The following PCDHGA2 variants were observed in gnomAD, a reference collection of about 807,000 sequenced individuals.
The protein encoded by PCDHGA2 is protocadherin gamma subfamily A, 2.
In PCDHGA2, 40 loss-of-function variants were observed where a neutral mutation model predicts 59.2. The observed-to-expected ratio is 0.68, with a 90% confidence interval of 0.52 to 0.88. The LOEUF (loss-of-function observed/expected upper bound fraction) is 0.88, where lower values mean the gene tolerates loss of function less well. PCDHGA2 is among the 40% of genes least tolerant of loss of function. PCDHGA2 has a pLI of 0.00. For missense variants in PCDHGA2, 1,226 were observed against 1,204.0 expected (o/e 1.02, Z -0.27); for synonymous variants, 560 against 526.0 (o/e 1.06, Z -0.89).
intron 1 of PCDHGA2, chr5:141,355,210 C>T (rs766513071): frequency 1.9e-6 from 3 of 1,599,774 alleles, no homozygotes; most frequent in Non-Finnish European, 2.6e-6. Flanking sequence ...AATGGCGGCG[C>T]CTCCTGCTCG....
At chr5:141,370,338 G>T in intron 1 of PCDHGA2, 1 of 1,456,378 alleles carries the variant, frequency 6.9e-7, no homozygotes, top group Non-Finnish European at 9.2e-7. Context: ...GAACTCTTGG[G>T]ATTATTTAAA....
chr5:141,375,300 C>A lies in PCDHGA2; in HGVS notation c.2424+33905C>A, dbSNP rs374837091. On this transcript the variant is annotated intron_variant, in intron 1 of 3. Transcript: ENST00000394576. ...GTTGGCAATTATTATCGATTAGTGA[C>A]AAATGCAGCTCTAGACCGGGAAGAG... 1.3e-5 allele frequency: 21 copies of A among 1,613,664 alleles called. No homozygotes were observed. In the African/African-American group the frequency reaches 2.1e-4, roughly 16 times the overall value.
intron 1 of PCDHGA2, chr5:141,393,124 T>A: frequency 6.2e-7 from 1 of 1,613,430 alleles, no homozygotes; most frequent in Non-Finnish European, 8.5e-7. Flanking sequence ...CGGTGTCTGA[T>A]AAATATTAAC....
chr5:141,491,571 C>CT lies in PCDHGA2; in HGVS notation c.2425-3232dup. On this transcript the variant is annotated intron_variant, in intron 1 of 3. Coordinates refer to ENST00000394576, the MANE Select transcript of PCDHGA2 (RefSeq NM_018915.4). The surrounding 1 kb of genome is among the most constrained non-coding windows in gnomAD (Gnocchi z 6.9). ...CGCAGAGCCACTGCTACAGGACGTG[C>CT]TTTTCACCGGCCTCGGACGGCAGTG... 6.2e-7 allele frequency: 1 copy of CT among 1,614,026 alleles called. No homozygotes were observed. Among genetic ancestry groups the CT allele is most frequent in the Non-Finnish European group, 8.5e-7 (1 of 1,180,042 alleles).
intron 1 of PCDHGA2, among the ~76,000 whole-genome samples, chr5:141,443,323 A>AG (rs1262238603): frequency 1.3e-5 from 2 of 151,732 alleles, no homozygotes; most frequent in African/African-American, 4.9e-5. Context: ...TCTACAAAAA[A>AG]AAAAAACAAA....
In PCDHGA2 at chr5:141,414,479, C is replaced by G. The variant is rs752879517; in HGVS notation, c.2424+73084C>G. The G allele has an allele frequency of 3.1e-6, 5 of 1,613,906 alleles. No homozygotes were observed. The highest frequency in any genetic ancestry group is 1.3e-5 in the African/African-American group (1 of 75,040). Reference sequence around the variant, plus strand: ...ACAGCCACAGATGGGGGAAGTCCTCCTCTATCAACGGAAGCTCACTTTATG... The same window carrying G: ...ACAGCCACAGATGGGGGAAGTCCTCGTCTATCAACGGAAGCTCACTTTATG... On this transcript the variant is annotated intron_variant, in intron 1 of 3. Coordinates refer to ENST00000394576, the MANE Select transcript of PCDHGA2 (RefSeq NM_018915.4).
chr5:141,460,741 A>C (rs1378900827), intron 1 of PCDHGA2, among the ~76,000 whole-genome samples: 1 of 152,128 alleles, frequency 6.6e-6, no homozygotes, highest in African/African-American at 2.4e-5. Flanking sequence ...CACATTGTAT[A>C]TATATGTGTA....
chr5:141,496,795 T>C (rs886559302), intron 2 of PCDHGA2, among the ~76,000 whole-genome samples: 27 of 151,976 alleles, frequency 1.8e-4, no homozygotes, highest in Middle Eastern at 3.4e-3. Flanking sequence ...GTGCTAAACA[T>C]TGGGCTATAG....
At chr5:141,451,832 G>A (rs1190124133) in intron 1 of PCDHGA2, among the ~76,000 whole-genome samples, 1 of 150,948 alleles carries the variant, frequency 6.6e-6, no homozygotes, top group Non-Finnish European at 1.5e-5. Context: ...AGTGAGCCGA[G>A]ATCACACCAC....
At position 141,431,368 on chromosome 5, in the gene PCDHGA2, A is replaced by G; in HGVS notation, c.2425-63439A>G. On this transcript the variant is annotated intron_variant, in intron 1 of 3. Coordinates refer to ENST00000394576, the MANE Select transcript of PCDHGA2 (RefSeq NM_018915.4). The surrounding 1 kb of genome is among the most constrained non-coding windows in gnomAD (Gnocchi z 4.8). ...TGCTGAAACGCGCCCTGGACCGCGA[A>G]GAAAAGGCTGCTCACCACCTGGTCC... 1.9e-6 allele frequency: 3 copies of G among 1,614,002 alleles called. No individual in the cohort carries two copies. The highest frequency in any genetic ancestry group is 2.5e-6 in the Non-Finnish European group (3 of 1,180,034).
intron 1 of PCDHGA2, chr5:141,344,913 C>T (rs948066467): frequency 8.7e-6 from 14 of 1,613,862 alleles, no homozygotes; most frequent in Non-Finnish European, 1.0e-5. Flanking sequence ...GATTTTCCAT[C>T]TTAACTCAGT....
Position 141,339,479 on chromosome 5 carries a change from T to C in PCDHGA2, c.508T>C (p.Tyr170His), listed in dbSNP as rs750969008. 8 of 1,614,008 alleles carry C rather than the reference T, an allele frequency of 5.0e-6. No homozygotes were observed. The highest frequency in any genetic ancestry group is 1.1e-5 in the South Asian group (1 of 91,078). ...CGTAGGTGAGAACGCCCTTCAGAAGTACGCACTCAACCCAAATGACCACTT... is the reference window on the plus strand; with the variant it reads ...CGTAGGTGAGAACGCCCTTCAGAAGCACGCACTCAACCCAAATGACCACTT... ...ADVGENALQK[Y>H]ALNPNDHFSL... Residue 170 changes from tyrosine to histidine, a missense_variant, in exon 1 of 4, where the codon TAC becomes CAC. Transcript: ENST00000394576.
At chr5:141,421,283 T>G (rs2096560959) in intron 1 of PCDHGA2, 4 of 1,612,952 alleles carry the variant, frequency 2.5e-6, no homozygotes, top group Non-Finnish European at 3.4e-6. Flanking sequence ...CTGCTGTGCA[T>G]TTTCCTGGGG....
At chr5:141,368,650 G>GA (rs1765784574) in intron 1 of PCDHGA2, among the ~76,000 whole-genome samples, 1 of 152,076 alleles carries the variant, frequency 6.6e-6, no homozygotes, top group Non-Finnish European at 1.5e-5. Context: ...TTGTGCAATG[G>GA]AAAAATATCT....
Position 141,486,397 on chromosome 5 carries a change from G to A in PCDHGA2, c.2425-8410G>A, listed in dbSNP as rs778989869. The A allele has an allele frequency of 5.0e-6, 8 of 1,614,046 alleles. No individual in the cohort carries two copies. The South Asian group carries it at 7.7e-5, about 16-fold the overall frequency. ...CCTTCAGGAACCAGTTCTCCCTGGT[G>A]ACTGCTGGACCCTTGGATCGAGAGG... On this transcript the variant is annotated intron_variant, in intron 1 of 3. Transcript: ENST00000394576. The surrounding 1 kb of genome is among the most constrained non-coding windows in gnomAD (Gnocchi z 5.0).
intron 1 of PCDHGA2, chr5:141,355,800 A>G (rs759729781): frequency 1.2e-6 from 2 of 1,613,580 alleles, no homozygotes; most frequent in East Asian, 4.5e-5. Flanking sequence ...AACGCGCTCT[A>G]GATCGCGAGG....
At chr5:141,478,559 A>T (rs938780510) in intron 1 of PCDHGA2, 1 of 1,599,454 alleles carries the variant, frequency 6.3e-7, no homozygotes, top group Non-Finnish European at 8.5e-7. Context: ...AAGGTTTAGC[A>T]AGTCATGCTT....
chr5:141,417,632 C>T (rs1395400349), intron 1 of PCDHGA2: 3 of 714,288 alleles, frequency 4.2e-6, no homozygotes, highest in Non-Finnish European at 6.5e-6. Context: ...GCGCTGACGC[C>T]GGGGATCCCT....
At position 141,485,120 on chromosome 5, in the gene PCDHGA2, G is replaced by T; in HGVS notation, c.2425-9687G>T. The T allele has an allele frequency of 7.4e-7, 1 of 1,348,050 alleles. No individual in the cohort carries two copies. Among genetic ancestry groups the T allele is most frequent in the Non-Finnish European group, 1.0e-6 (1 of 952,710 alleles). 83.5% of individuals were successfully genotyped at this position (1,348,050 alleles called of 1,614,324 possible). On this transcript the variant is annotated intron_variant, in intron 1 of 3. Transcript: ENST00000394576. The surrounding 1 kb of genome is among the most constrained non-coding windows in gnomAD (Gnocchi z 5.7). ...TCCAGCTGCTGTGGCTGTTTGGGGC[G>T]GGTCGGCTTCATCCGCGTCTCAGGA...
Sources: gnomAD v4.1 joint callset for allele counts (sites outside exome capture counted in the v4.1 genomes callset) on GRCh38, gnomAD v4.1.1 for gene constraint, Gnocchi (gnomAD v3.1) non-coding constraint, MANE v1.5 for transcripts, NCBI Gene and HGNC (gene_info 2026-07-23, HGNC 2026-07-21) for gene names.